FOXP1: variants seen among roughly 807,000 people sequenced by gnomAD.
FOXP1 encodes the protein forkhead box protein P1.
Under a neutral mutation model 98.2 loss-of-function variants are expected in FOXP1, and 15 were observed. The observed-to-expected ratio is 0.15, with a 90% confidence interval of 0.10 to 0.24. The LOEUF is 0.24. Among genes scored for constraint, FOXP1 ranks in the 10% least tolerant of loss-of-function variants. The pLI, the probability that FOXP1 is intolerant of heterozygous loss-of-function variation, is 1.00. For synonymous variants in FOXP1, 371 were observed against 314.5 expected, an observed-to-expected ratio of 1.18 and a Z score of -1.90; for missense variants, 633 against 848.5, an observed-to-expected ratio of 0.75 and a Z score of 3.15.
intron 10 of FOXP1, 107 bp downstream of exon 10, chr3:71,046,835 G>A: frequency 1.6e-6 from 2 of 1,275,102 alleles, no homozygotes; most frequent in South Asian, 2.4e-5. Flanking sequence ...AAGAATCTAT[G>A]TGCATGTTTT....
intron 3 of FOXP1, among the ~76,000 whole-genome samples, chr3:71,467,783 T>G (rs142081154): frequency 3.3e-5 from 5 of 152,316 alleles, no homozygotes; most frequent in Admixed American, 1.3e-4. Context: ...ACAAAGATCG[T>G]TGGATCTCCC....
chr3:71,496,842 CA>C (rs369796493), intron 2 of FOXP1, among the ~76,000 whole-genome samples: 2,046 of 149,238 alleles, frequency 0.014, 32 homozygotes, highest in African/African-American at 0.046. Context: ...AACAAAAAGA[CA>C]AAAAAAAACA....
chr3:71,005,937 C>T (rs1009602556), intron 12 of FOXP1, among the ~76,000 whole-genome samples: 2 of 152,060 alleles, frequency 1.3e-5, no homozygotes, highest in African/African-American at 4.8e-5. Context: ...CAAGATCATT[C>T]TGGATTTATA....
intron 12 of FOXP1, among the ~76,000 whole-genome samples, chr3:71,008,549 G>C (rs1368784838): frequency 1.3e-5 from 2 of 152,042 alleles, no homozygotes; most frequent in African/African-American, 2.4e-5. Context: ...ACTAACAAAT[G>C]CAACAGTCAC....
At chr3:70,996,697 T>C (rs535235292) in intron 13 of FOXP1, among the ~76,000 whole-genome samples, 2 of 152,306 alleles carry the variant, frequency 1.3e-5, no homozygotes, top group South Asian at 4.1e-4. Context: ...GCCCTCTGAA[T>C]TGTCCTGTGG....
At chr3:71,576,261 A>T (rs889910150) in intron 2 of FOXP1, among the ~76,000 whole-genome samples, 1 of 152,238 alleles carries the variant, frequency 6.6e-6, no homozygotes, top group African/African-American at 2.4e-5. Context: ...TCACAACATG[A>T]TTCTGAGTAT....
intron 12 of FOXP1, among the ~76,000 whole-genome samples, chr3:71,015,092 C>G (rs1382959481): frequency 6.6e-6 from 1 of 151,194 alleles, no homozygotes; most frequent in Admixed American, 6.6e-5. Context: ...ACATATGTAA[C>G]AAACCTGCAT....
Position 70,960,927 on chromosome 3 carries a change from C to T in FOXP1, c.1890-1536G>A, listed in dbSNP as rs528150288. On this transcript the variant is annotated intron_variant, in intron 20 of 20. Coordinates refer to ENST00000649528, the MANE Select transcript of FOXP1 (RefSeq NM_001349338.3). ...CGTGATCTTGGCTCACTGCAAGCTC[C>T]GCCTCCCGGGTTCACGCCATTCTCC... is the stretch of plus-strand genomic sequence containing the variant. Among the ~76,000 whole-genome samples, 482 of 151,014 alleles carry T rather than the reference C, an allele frequency of 3.2e-3. 4 individuals carry two copies. The highest frequency in any genetic ancestry group is 0.011 in the African/African-American group (458 of 41,090).
At chr3:70,990,267 C>T (rs1434885449) in intron 13 of FOXP1, among the ~76,000 whole-genome samples, 1 of 152,184 alleles carries the variant, frequency 6.6e-6, no homozygotes, top group African/African-American at 2.4e-5. Context: ...AGCTCTAACA[C>T]AAACTGTTTT....
At chr3:71,179,723 T>G (rs892251814) in intron 6 of FOXP1, among the ~76,000 whole-genome samples, 4 of 152,206 alleles carry the variant, frequency 2.6e-5, no homozygotes, top group African/African-American at 9.6e-5. Context: ...AAGACATGAT[T>G]TTTACAAGAA....
chr3:71,372,459 C>T (rs192745379), intron 3 of FOXP1, among the ~76,000 whole-genome samples: 9 of 152,300 alleles, frequency 5.9e-5, no homozygotes, highest in East Asian at 1.9e-4. Flanking sequence ...CTTGTTCCTT[C>T]GTTTCACTTG....
chr3:71,528,851 A>G (rs2107519515), intron 2 of FOXP1, among the ~76,000 whole-genome samples: 1 of 152,328 alleles, frequency 6.6e-6, no homozygotes, highest in East Asian at 1.9e-4. Context: ...AAAGAAGGAA[A>G]ACAAAGGGGT....
intron 7 of FOXP1, among the ~76,000 whole-genome samples, chr3:71,096,055 A>C (rs1383053034): frequency 6.6e-6 from 1 of 152,206 alleles, no homozygotes; most frequent in East Asian, 1.9e-4. Flanking sequence ...ATCCTGCATA[A>C]ATTTACACAA....
intron 18 of FOXP1, 174 bp from the exon 19 acceptor site, chr3:70,970,979 T>C: frequency 1.5e-6 from 1 of 647,826 alleles, no homozygotes; most frequent in Non-Finnish European, 2.8e-6. Context: ...CGGGTGTGTG[T>C]GCACACCTCT....
intron 2 of FOXP1, among the ~76,000 whole-genome samples, chr3:71,549,110 T>C (rs754110589): frequency 2.6e-5 from 4 of 152,164 alleles, no homozygotes; most frequent in African/African-American, 4.8e-5. Context: ...ACCAGTTGGT[T>C]ATATATTGGG....
intron 6 of FOXP1, among the ~76,000 whole-genome samples, chr3:71,127,807 A>T (rs1179434461): frequency 1.3e-5 from 2 of 152,200 alleles, no homozygotes; most frequent in Middle Eastern, 3.2e-3. Flanking sequence ...ACAAGTTAGC[A>T]TTAGTCAGGC....
chr3:71,558,802 C>CTTTTTTTT (rs35405702), intron 2 of FOXP1, among the ~76,000 whole-genome samples: 15 of 117,542 alleles, frequency 1.3e-4, no homozygotes, highest in African/African-American at 5.1e-4. Context: ...CCGATTCTCA[C>CTTTTTTTT]TTTTTTTTTT....
intron 4 of FOXP1, among the ~76,000 whole-genome samples, chr3:71,307,434 T>C (rs2107603169): frequency 6.6e-6 from 1 of 152,324 alleles, no homozygotes; most frequent in African/African-American, 2.4e-5. Flanking sequence ...AACATTATTA[T>C]GGCATAACAT....
At chr3:71,007,733 C>T (rs768018093) in intron 12 of FOXP1, among the ~76,000 whole-genome samples, 2 of 152,120 alleles carry the variant, frequency 1.3e-5, no homozygotes, top group Non-Finnish European at 2.9e-5. Context: ...TTACAGAGCA[C>T]ACTTAGTAGT....
Sources: gnomAD v4.1 joint callset for allele counts (sites outside exome capture counted in the v4.1 genomes callset) on GRCh38, gnomAD v4.1.1 for gene constraint, MANE v1.5 for transcripts, NCBI Gene and HGNC (gene_info 2026-07-23, HGNC 2026-07-21) for gene names.